PLA2G7: variants seen among roughly 807,000 people sequenced by gnomAD.
PLA2G7 encodes phospholipase A2 group VII.
A neutral mutation model predicts 49.6 loss-of-function variants in PLA2G7; 63 were observed. That is an observed-to-expected ratio of 1.27 (90% CI 1.04 to 1.57). The LOEUF is 1.57. PLA2G7 is among the 40% of genes most tolerant of loss of function. The pLI, the probability that PLA2G7 is intolerant of heterozygous loss-of-function variation, is 0.00. For missense variants in PLA2G7, 596 were observed against 521.2 expected (o/e 1.14, Z -1.40); for synonymous variants, 193 against 169.9 (o/e 1.14, Z -1.06).
chr6:46,735,094 C>G (rs1765879982), intron 1 of PLA2G7, 86 bp downstream of exon 1: 1 of 152,084 alleles, frequency 6.6e-6, no homozygotes, highest in Non-Finnish European at 1.5e-5. Flanking sequence ...CCACCCCGGC[C>G]GGTCGCCGCT....
chr6:46,710,292 A>T (rs1483084748), intron 8 of PLA2G7, among the ~76,000 whole-genome samples: 1 of 152,138 alleles, frequency 6.6e-6, no homozygotes, highest in African/African-American at 2.4e-5. Flanking sequence ...GTTGAGTTGA[A>T]CCATATGACA....
At chr6:46,733,341 T>C (rs1765791812) in intron 1 of PLA2G7, among the ~76,000 whole-genome samples, 1 of 152,202 alleles carries the variant, frequency 6.6e-6, no homozygotes, top group Non-Finnish European at 1.5e-5. Context: ...AGTCCTGCGG[T>C]GCTAAGCAAG....
At chr6:46,729,558 G>A (rs1487001700) in intron 1 of PLA2G7, among the ~76,000 whole-genome samples, 4 of 152,150 alleles carry the variant, frequency 2.6e-5, no homozygotes, top group African/African-American at 9.7e-5. Context: ...ACATACAGTT[G>A]AGATAATGAA....
At chr6:46,706,188 A>AT (rs1305950310) in intron 10 of PLA2G7, among the ~76,000 whole-genome samples, 4 of 152,200 alleles carry the variant, frequency 2.6e-5, no homozygotes, top group African/African-American at 9.6e-5. Context: ...GTTAAAAGAC[A>AT]TCTTCCCAGT....
At chr6:46,734,081 T>A (rs1283916823) in intron 1 of PLA2G7, among the ~76,000 whole-genome samples, 1 of 152,046 alleles carries the variant, frequency 6.6e-6, no homozygotes, top group East Asian at 1.9e-4. Flanking sequence ...TCGTTTTTGG[T>A]GACAGAAATT....
chr6:46,715,494 A>G (rs1765174135), intron 4 of PLA2G7, among the ~76,000 whole-genome samples: 1 of 152,250 alleles, frequency 6.6e-6, no homozygotes, highest in Non-Finnish European at 1.5e-5. Flanking sequence ...GGTGCAATCC[A>G]TCACATAGTA....
chr6:46,718,493 G>T (rs1390400810), intron 2 of PLA2G7, among the ~76,000 whole-genome samples: 2 of 152,210 alleles, frequency 1.3e-5, no homozygotes, highest in African/African-American at 4.8e-5. Flanking sequence ...GAGGCCCATT[G>T]CCTCATACTC....
At chr6:46,710,113 T>C (rs1034919584) in intron 8 of PLA2G7, among the ~76,000 whole-genome samples, 7 of 152,162 alleles carry the variant, frequency 4.6e-5, no homozygotes, top group African/African-American at 1.7e-4. Flanking sequence ...TATTCTCTAG[T>C]TCCCCCTAAT....
intron 1 of PLA2G7, among the ~76,000 whole-genome samples, chr6:46,731,312 C>T (rs1413174396): frequency 1.3e-5 from 2 of 152,178 alleles, no homozygotes; most frequent in African/African-American, 4.8e-5. Flanking sequence ...CAACCCTACC[C>T]AACTCTGGTC....
At chr6:46,705,465 G>A (rs1450788173) in intron 10 of PLA2G7, among the ~76,000 whole-genome samples, 164 bp from the exon 11 acceptor site, 2 of 152,200 alleles carry the variant, frequency 1.3e-5, no homozygotes, top group Admixed American at 6.5e-5. Context: ...AAGGGTCACA[G>A]GCTGTTTGTT....
chr6:46,704,523 G>C lies in PLA2G7; in HGVS notation c.*37C>G. 8.3e-7 allele frequency: 1 copy of C among 1,200,208 alleles called. No individual in the cohort carries two copies. Among genetic ancestry groups the C allele is most frequent in the East Asian group, 2.5e-5 (1 of 40,724 alleles). 74.3% of individuals were successfully genotyped at this position (1,200,208 alleles called of 1,614,324 possible). On this transcript the variant is annotated 3_prime_UTR_variant, in exon 12 of 12. Coordinates refer to ENST00000274793, the MANE Select transcript of PLA2G7 (RefSeq NM_005084.4). ...ACACACACACACATAATTTTAGACA[G>C]TTTTGAAACAAGACTTTTAAAAAAC...
chr6:46,729,474 A>T (rs1035166743), intron 1 of PLA2G7, among the ~76,000 whole-genome samples: 1 of 152,232 alleles, frequency 6.6e-6, no homozygotes, highest in Non-Finnish European at 1.5e-5. Context: ...GAAAAATAAG[A>T]TAGTGTTTGT....
chr6:46,731,605 C>A (rs373980209), intron 1 of PLA2G7, among the ~76,000 whole-genome samples: 1 of 151,846 alleles, frequency 6.6e-6, no homozygotes. Context: ...GTTCTCCGAA[C>A]AGAGAAAGAT....
chr6:46,705,170 A>C lies in PLA2G7; in HGVS notation c.1172T>G (p.Phe391Cys). The change falls in exon 11 of 12, where the codon TTC becomes TGC. Residue 391 changes from phenylalanine to cysteine, a missense_variant. Physicochemically the swap from Phe to Cys is radical, Grantham distance 205. Transcript: ENST00000274793. Reference sequence around the variant, plus strand: ...TTTCTTACCTAAATGCTTTTGTAAGAATGCTAATGAAGCTTTGTTGCTAAG... The same window carrying C: ...TTTCTTACCTAAATGCTTTTGTAAGCATGCTAATGAAGCTTTGTTGCTAAG... ...IDLSNKASLAFLQKHLGLHKD... is the reference protein window; with the variant it reads ...IDLSNKASLACLQKHLGLHKD... The C allele has an allele frequency of 6.2e-7, 1 of 1,609,108 alleles. No individual in the cohort carries two copies. The highest frequency in any genetic ancestry group is 8.5e-7 in the Non-Finnish European group (1 of 1,175,704).
intron 5 of PLA2G7, among the ~76,000 whole-genome samples, chr6:46,713,994 C>T (rs1047228814): frequency 8.5e-5 from 13 of 152,202 alleles, no homozygotes; most frequent in Non-Finnish European, 1.9e-4. Context: ...TGAAGCTCTT[C>T]TTATCCAATC....
At chr6:46,721,797 T>G (rs1244345672) in intron 2 of PLA2G7, among the ~76,000 whole-genome samples, 1 of 151,978 alleles carries the variant, frequency 6.6e-6, no homozygotes, top group South Asian at 2.1e-4. Flanking sequence ...CCTAATGCAT[T>G]CATTTTCCTG....
chr6:46,714,118 G>A (rs998429428), intron 5 of PLA2G7, among the ~76,000 whole-genome samples: 7 of 152,140 alleles, frequency 4.6e-5, no homozygotes, highest in Admixed American at 6.5e-5. Context: ...CTTAATAACA[G>A]TCTTTCCCAG....
At chr6:46,729,903 G>A (rs1016450196) in intron 1 of PLA2G7, among the ~76,000 whole-genome samples, 1 of 152,204 alleles carries the variant, frequency 6.6e-6, no homozygotes, top group African/African-American at 2.4e-5. Context: ...CAGTTCTCCT[G>A]TAAACTCTCA....
chr6:46,716,088 C>T (rs912424894), intron 4 of PLA2G7, among the ~76,000 whole-genome samples: 4 of 152,180 alleles, frequency 2.6e-5, no homozygotes, highest in Admixed American at 2.0e-4. Flanking sequence ...CTGCTATTCT[C>T]ACCACGGTAT....
Sources: gnomAD v4.1 joint callset for allele counts (sites outside exome capture counted in the v4.1 genomes callset) on GRCh38, gnomAD v4.1.1 for gene constraint, MANE v1.5 for transcripts, NCBI Gene and HGNC (gene_info 2026-07-23, HGNC 2026-07-21) for gene names.